CPED1: variants seen among roughly 807,000 people sequenced by gnomAD.
The protein encoded by CPED1 is cadherin like and PC-esterase domain containing 1.
In CPED1, 114 loss-of-function variants were observed where a neutral mutation model predicts 128.2. The ratio of observed to expected loss-of-function variants is 0.89; its 90% CI spans 0.76 to 1.04. CPED1 has a LOEUF of 1.04. Among genes scored for constraint, CPED1 ranks in the 50% least tolerant of loss-of-function variants. The pLI, the probability that CPED1 is intolerant of heterozygous loss-of-function variation, is 0.00. For missense variants in CPED1, 1,211 were observed against 1,207.1 expected (o/e 1.00, Z -0.05); for synonymous variants, 462 against 426.7 (o/e 1.08, Z -1.02).
intron 10 of CPED1, 100 bp from the exon 11 acceptor site, chr7:121,128,282 G>C: frequency 1.5e-6 from 1 of 685,400 alleles, no homozygotes; most frequent in South Asian, 1.7e-5. Context: ...GTTGTTTATA[G>C]AACTCAAAAT....
intron 2 of CPED1, among the ~76,000 whole-genome samples, chr7:120,990,877 T>C (rs1459372929): frequency 6.6e-6 from 1 of 152,212 alleles, no homozygotes; most frequent in Non-Finnish European, 1.5e-5. Flanking sequence ...GCACCACTTC[T>C]TTTAAAAACT....
At position 121,288,507 on chromosome 7, in the gene CPED1, C is replaced by A. The variant is rs1792629702; in HGVS notation, c.2869-6933C>A. Among the ~76,000 whole-genome samples, 4 of 152,158 alleles carry A rather than the reference C, an allele frequency of 2.6e-5. No individual in the cohort carries two copies. In the South Asian group the frequency reaches 8.3e-4, roughly 32 times the overall value. ...AAAATAGAAATAGGTTATCAACCTT[C>A]CATTGAGATCTGTCAAAATACTGAC... On this transcript the variant is annotated intron_variant, in intron 22 of 22. Coordinates refer to ENST00000310396, the MANE Select transcript of CPED1 (RefSeq NM_024913.5).
chr7:121,057,695 A>AT (rs1166120527), intron 4 of CPED1, among the ~76,000 whole-genome samples: 3 of 152,208 alleles, frequency 2.0e-5, no homozygotes, highest in Admixed American at 6.5e-5. Flanking sequence ...TCATTCATTC[A>AT]TTTATTCATC....
chr7:121,281,405 G>T (rs187002389), intron 22 of CPED1, among the ~76,000 whole-genome samples: 1 of 152,218 alleles, frequency 6.6e-6, no homozygotes, highest in East Asian at 1.9e-4. Flanking sequence ...TTGTTCGTTT[G>T]GGAAGTCTTA....
intron 16 of CPED1, among the ~76,000 whole-genome samples, chr7:121,196,914 A>C (rs1319898616): frequency 1.3e-5 from 2 of 152,044 alleles, no homozygotes; most frequent in Non-Finnish European, 2.9e-5. Context: ...GTTAAAAAAC[A>C]CCATTTGGTT....
chr7:121,092,359 G>T (rs1048482880), intron 5 of CPED1, among the ~76,000 whole-genome samples: 3 of 152,070 alleles, frequency 2.0e-5, no homozygotes, highest in African/African-American at 7.2e-5. Context: ...TTTCATTTCT[G>T]TACATACATC....
Position 121,246,159 on chromosome 7 carries a change from C to G in CPED1, c.2310+1821C>G, listed in dbSNP as rs1798526118. On this transcript the variant is annotated intron_variant, in intron 18 of 22. Transcript: ENST00000310396. Reference sequence around the variant, plus strand: ...GGGTGTTCAGAAAAATTCCAAGAAACTGTCACAGTCTATTAACCTGAAAAG... The same window carrying G: ...GGGTGTTCAGAAAAATTCCAAGAAAGTGTCACAGTCTATTAACCTGAAAAG... 2.6e-5 allele frequency among the ~76,000 whole-genome samples: 4 copies of G among 152,180 alleles called. No individual in the cohort carries two copies. In the South Asian group the frequency reaches 8.3e-4, roughly 32 times the overall value.
At chr7:121,284,734 G>A (rs1365330166) in intron 22 of CPED1, among the ~76,000 whole-genome samples, 1 of 152,222 alleles carries the variant, frequency 6.6e-6, no homozygotes, top group Non-Finnish European at 1.5e-5. Context: ...GATGCAAGAG[G>A]TGGTCTCCCC....
intron 22 of CPED1, among the ~76,000 whole-genome samples, chr7:121,275,049 T>C (rs1432109518): frequency 2.6e-5 from 4 of 152,138 alleles, no homozygotes; most frequent in African/African-American, 9.7e-5. Context: ...TTTTATCTTC[T>C]GATGTTCAAC....
In CPED1 at chr7:121,015,826, A is replaced by C. The variant is rs1402386097; in HGVS notation, c.411A>C (p.Leu137=). The change falls in exon 3 of 23, where the codon CTA becomes CTC. Residue 137 remains leucine (L), a synonymous_variant. Coordinates refer to ENST00000310396, the MANE Select transcript of CPED1 (RefSeq NM_024913.5). The part of the protein sequence containing the change: ...VIAEERLNAG[L]GPGLLEQGDL... Reference sequence around the variant, plus strand: ...CTGAAGAAAGGCTCAATGCTGGCCTAGGGCCGGGGCTACTAGAACAAGGTC... The same window carrying C: ...CTGAAGAAAGGCTCAATGCTGGCCTCGGGCCGGGGCTACTAGAACAAGGTC... The C allele has an allele frequency of 1.9e-6, 3 of 1,572,192 alleles. No individual in the cohort carries two copies. Among genetic ancestry groups the C allele is most frequent in the Non-Finnish European group, 2.6e-6 (3 of 1,164,764 alleles).
At chr7:121,250,499 C>T (rs1377021941) in intron 18 of CPED1, among the ~76,000 whole-genome samples, 7 of 151,918 alleles carry the variant, frequency 4.6e-5, no homozygotes, top group African/African-American at 1.7e-4. Context: ...AATAGAGACA[C>T]AAAAAACCCT....
At chr7:121,241,641 C>G (rs1798399811) in intron 17 of CPED1, among the ~76,000 whole-genome samples, 1 of 152,086 alleles carries the variant, frequency 6.6e-6, no homozygotes, top group East Asian at 1.9e-4. Context: ...CCACTCCTTC[C>G]AGGTCTTCAA....
chr7:121,148,639 C>T (rs534700688), intron 16 of CPED1, among the ~76,000 whole-genome samples: 15 of 152,126 alleles, frequency 9.9e-5, no homozygotes, highest in Admixed American at 4.6e-4. Context: ...ACAGGAAGAA[C>T]TTGTTGGGAA....
intron 3 of CPED1, among the ~76,000 whole-genome samples, chr7:121,034,889 G>A (rs1792845639): frequency 6.6e-6 from 1 of 152,176 alleles, no homozygotes; most frequent in Non-Finnish European, 1.5e-5. Context: ...AGGTAAAATA[G>A]AAGCAGTCTG....
chr7:121,029,875 A>G (rs978783298), intron 3 of CPED1, among the ~76,000 whole-genome samples: 11 of 152,164 alleles, frequency 7.2e-5, no homozygotes, highest in Middle Eastern at 3.2e-3. Context: ...TTAATTTTAT[A>G]TACATTTTCA....
chr7:121,228,456 A>G (rs1798065450), intron 16 of CPED1, among the ~76,000 whole-genome samples: 1 of 151,970 alleles, frequency 6.6e-6, no homozygotes, highest in Non-Finnish European at 1.5e-5. Context: ...AACTCCAGTC[A>G]GAATGACTAT....
chr7:121,067,117 C>CT (rs11360367), intron 5 of CPED1, among the ~76,000 whole-genome samples: 8 of 151,426 alleles, frequency 5.3e-5, no homozygotes, highest in African/African-American at 1.7e-4. Flanking sequence ...GTTTGCATTT[C>CT]TTTTTTTTTT....
rs760733370 is a variant in CPED1, at chr7:121,015,756, T to C, written c.341T>C (p.Leu114Pro). 3 of 1,612,298 alleles carry C rather than the reference T, an allele frequency of 1.9e-6. No homozygotes were observed. Among genetic ancestry groups the C allele is most frequent in the Middle Eastern group, 1.7e-4 (1 of 6,052 alleles). ...PPFYSKTELQLHQHILTQHGY... is the reference protein window; with the variant it reads ...PPFYSKTELQPHQHILTQHGY... Reference sequence around the variant, plus strand: ...TTCTACAGCAAAACAGAGCTTCAGCTACACCAGCACATTCTGACTCAACAT... The same window carrying C: ...TTCTACAGCAAAACAGAGCTTCAGCCACACCAGCACATTCTGACTCAACAT... The change falls in exon 3 of 23, where the codon CTA (leucine) becomes CCA (proline). Residue 114 changes from leucine (L) to proline (P), a missense_variant. Leu to Pro is a moderately conservative substitution (Grantham distance 98). Transcript: ENST00000310396.
chr7:121,247,797 A>C (rs116247583), intron 18 of CPED1, among the ~76,000 whole-genome samples: 1,695 of 152,234 alleles, frequency 0.011, 27 homozygotes, highest in African/African-American at 0.039. Flanking sequence ...GGCGGAACCC[A>C]TCTCTGGCTA....
Sources: gnomAD v4.1 joint callset for allele counts (sites outside exome capture counted in the v4.1 genomes callset) on GRCh38, gnomAD v4.1.1 for gene constraint, MANE v1.5 for transcripts, NCBI Gene and HGNC (gene_info 2026-07-23, HGNC 2026-07-21) for gene names.